Variants in DLG2 observed in about 807,000 individuals in gnomAD.
The protein encoded by DLG2 is disks large homolog 2.
DLG2 carries 45 observed loss-of-function variants against 132.5 expected under a neutral mutation model. The ratio of observed to expected loss-of-function variants is 0.34; its 90% confidence interval spans 0.27 to 0.44. The LOEUF is 0.44. DLG2 is among the 20% of genes least tolerant of loss of function. The pLI, the probability that DLG2 is intolerant of heterozygous loss-of-function variation, is 1.00. For synonymous variants in DLG2, 424 were observed against 419.6 expected (o/e 1.01, Z -0.13); for missense variants, 1,045 against 1,196.9 (o/e 0.87, Z 1.87).
At chr11:85,315,448 G>A (rs2080596137) in intron 3 of DLG2, among the ~76,000 whole-genome samples, 1 of 151,974 alleles carries the variant, frequency 6.6e-6, no homozygotes, top group Non-Finnish European at 1.5e-5. Context: ...CTGCTAACAA[G>A]TCCTCTTCCA....
intron 3 of DLG2, among the ~76,000 whole-genome samples, chr11:85,388,078 G>A (rs2086496500): frequency 6.6e-6 from 1 of 152,148 alleles, no homozygotes. Flanking sequence ...TGGCTGCCTG[G>A]AAATAAATTT....
chr11:85,291,184 A>AT (rs2078867891), intron 3 of DLG2, among the ~76,000 whole-genome samples: 1 of 152,090 alleles, frequency 6.6e-6, no homozygotes, highest in Admixed American at 6.6e-5. Flanking sequence ...GGAAAAAAGG[A>AT]TTTTTTACAT....
chr11:84,269,614 C>G (rs568023410), intron 7 of DLG2, among the ~76,000 whole-genome samples: 3 of 152,260 alleles, frequency 2.0e-5, no homozygotes, highest in Non-Finnish European at 4.4e-5. Flanking sequence ...GATTTATACA[C>G]GTTTATATCT....
chr11:85,591,001 A>T (rs2079292310), intron 3 of DLG2, among the ~76,000 whole-genome samples: 1 of 152,128 alleles, frequency 6.6e-6, no homozygotes, highest in South Asian at 2.1e-4. Flanking sequence ...CCAGCCTCAT[A>T]CTCATCTAAA....
chr11:83,528,232 A>G (rs1056292563), intron 21 of DLG2, among the ~76,000 whole-genome samples: 1 of 152,224 alleles, frequency 6.6e-6, no homozygotes, highest in Non-Finnish European at 1.5e-5. Flanking sequence ...CACAGAGTGG[A>G]TAGAAATCCT....
chr11:83,488,178 G>A (rs757993077), intron 21 of DLG2, among the ~76,000 whole-genome samples: 1 of 151,910 alleles, frequency 6.6e-6, no homozygotes, highest in East Asian at 1.9e-4. Context: ...ATTTTATTTG[G>A]TGTAAATAAT....
chr11:84,303,193 T>G (rs146689954), intron 7 of DLG2, among the ~76,000 whole-genome samples: 1 of 152,150 alleles, frequency 6.6e-6, no homozygotes, highest in South Asian at 2.1e-4. Context: ...ACAGGTATTA[T>G]AGAGATTGAG....
intron 10 of DLG2, among the ~76,000 whole-genome samples, chr11:84,081,157 T>A (rs1359372394): frequency 6.6e-6 from 1 of 152,136 alleles, no homozygotes; most frequent in Non-Finnish European, 1.5e-5. Context: ...TATTGTGGAT[T>A]ATATCTTGTG....
intron 7 of DLG2, among the ~76,000 whole-genome samples, chr11:84,509,273 A>G (rs1565144795): frequency 6.6e-6 from 1 of 152,216 alleles, no homozygotes; most frequent in Non-Finnish European, 1.5e-5. Context: ...TGTCCTAAGA[A>G]GCAACAAATA....
At chr11:84,582,670 T>C (rs2099519470) in intron 6 of DLG2, among the ~76,000 whole-genome samples, 1 of 152,030 alleles carries the variant, frequency 6.6e-6, no homozygotes. Context: ...TTAACATCTA[T>C]AGCTCTATCT....
chr11:84,470,644 T>C (rs2099106082), intron 7 of DLG2, among the ~76,000 whole-genome samples: 1 of 151,774 alleles, frequency 6.6e-6, no homozygotes, highest in African/African-American at 2.4e-5. Flanking sequence ...TACAATTGCA[T>C]AAATGGTAAG....
chr11:83,797,845 C>T (rs899137954), intron 17 of DLG2, among the ~76,000 whole-genome samples: 2 of 152,142 alleles, frequency 1.3e-5, no homozygotes, highest in African/African-American at 4.8e-5. Flanking sequence ...CATGACATAG[C>T]CTCTCAAGGA....
At chr11:84,413,303 G>C (rs2098916403) in intron 7 of DLG2, among the ~76,000 whole-genome samples, 1 of 152,160 alleles carries the variant, frequency 6.6e-6, no homozygotes, top group African/African-American at 2.4e-5. Flanking sequence ...AGAAAGCACG[G>C]AGTCAAATGA....
At chr11:85,425,250 C>G (rs935285499) in intron 3 of DLG2, among the ~76,000 whole-genome samples, 11 of 152,002 alleles carry the variant, frequency 7.2e-5, no homozygotes, top group African/African-American at 1.9e-4. Context: ...ATAAACAACA[C>G]TAATACAAAA....
chr11:83,651,786 T>C (rs2070553847), intron 18 of DLG2: 1 of 469,928 alleles, frequency 2.1e-6, no homozygotes, highest in Non-Finnish European at 4.4e-6. Context: ...ATGTAAATCC[T>C]GTTTCCAAAA....
chr11:85,175,977 T>C (rs1381753351), intron 4 of DLG2, among the ~76,000 whole-genome samples: 2 of 151,936 alleles, frequency 1.3e-5, no homozygotes, highest in African/African-American at 4.8e-5. Flanking sequence ...CAAAAACAAA[T>C]GAAAAAACAT....
chr11:84,504,633 A>ATT (rs35593289), intron 7 of DLG2, among the ~76,000 whole-genome samples: 8 of 151,490 alleles, frequency 5.3e-5, no homozygotes, highest in East Asian at 1.9e-4. Flanking sequence ...AAATTGTGTA[A>ATT]TTTTTTTTTC....
chr11:85,545,560 A>G (rs1248483896), intron 3 of DLG2, among the ~76,000 whole-genome samples: 1 of 152,186 alleles, frequency 6.6e-6, no homozygotes, highest in Non-Finnish European at 1.5e-5. Flanking sequence ...TTCAGAAGGA[A>G]TGGTACCAGC....
chr11:85,066,472 G>C (rs2064938712), intron 6 of DLG2, among the ~76,000 whole-genome samples: 1 of 151,462 alleles, frequency 6.6e-6, no homozygotes, highest in Non-Finnish European at 1.5e-5. Context: ...TGATGACAAA[G>C]ACAGGCAAGA....
Sources: gnomAD v4.1 joint callset for allele counts (sites outside exome capture counted in the v4.1 genomes callset) on GRCh38, gnomAD v4.1.1 for gene constraint, MANE v1.5 for transcripts, NCBI Gene and HGNC (gene_info 2026-07-23, HGNC 2026-07-21) for gene names.